RAB15: variants seen among roughly 807,000 people sequenced by gnomAD.
RAB15 encodes the protein ras-related protein Rab-15.
A neutral mutation model predicts 31.8 loss-of-function variants in RAB15; 13 were observed. That is an observed-to-expected ratio of 0.41 (90% CI 0.27 to 0.65). The LOEUF (loss-of-function observed/expected upper bound fraction) is 0.65. RAB15 is among the 30% of genes least tolerant of loss of function. RAB15 has a pLI of 0.32. For synonymous variants in RAB15, 100 were observed against 105.6 expected, an observed-to-expected ratio of 0.95 and a Z score of 0.33; for missense variants, 220 against 277.3, an observed-to-expected ratio of 0.79 and a Z score of 1.47.
Position 64,950,322 on chromosome 14 carries a change from T to C in RAB15, c.414+3A>G, listed in dbSNP as rs1267539968. On this transcript the variant is annotated splice_donor_region_variant and intron_variant, in intron 5 of 6. Coordinates refer to ENST00000533601, the MANE Select transcript of RAB15 (RefSeq NM_001308154.2). The surrounding 1 kb of genome is among the most constrained non-coding windows in gnomAD (Gnocchi z 5.6). ...GGTGGACTTGCCTTTTCCCTCCACTTACCTGCTGCCCTTGCTCTCTTCCCA... is the reference window on the plus strand; with the variant it reads ...GGTGGACTTGCCTTTTCCCTCCACTCACCTGCTGCCCTTGCTCTCTTCCCA... 1 of 1,613,500 alleles carries C rather than the reference T, an allele frequency of 6.2e-7. No individual in the cohort carries two copies.
Position 64,954,561 on chromosome 14 carries a change from G to T in RAB15, c.125-1990C>A, listed in dbSNP as rs768153962. ...TCCTTTATCCCACAAACATTTATGGGAACTTCCTATGTGCCCTGCACAGTG... is the reference window on the plus strand; with the variant it reads ...TCCTTTATCCCACAAACATTTATGGTAACTTCCTATGTGCCCTGCACAGTG... On this transcript the variant is annotated intron_variant, in intron 1 of 6. Coordinates refer to ENST00000533601, the MANE Select transcript of RAB15 (RefSeq NM_001308154.2). This position sits in a 1 kb window ranked among gnomAD's most constrained non-coding sequence, Gnocchi z 4.3. 20 of 980,178 alleles carry T rather than the reference G, an allele frequency of 2.0e-5. No homozygotes were observed. Among genetic ancestry groups the T allele is most frequent in the Non-Finnish European group, 2.4e-5 (20 of 825,282 alleles). The allele number at this position is 980,178 out of a possible 1,614,324, so 60.7% of individuals were successfully genotyped here.
At chr14:64,961,260 AC>A (rs1886839080) in intron 1 of RAB15, among the ~76,000 whole-genome samples, 1 of 152,088 alleles carries the variant, frequency 6.6e-6, no homozygotes, top group African/African-American at 2.4e-5. Flanking sequence ...GGCCATGTGC[AC>A]CTCCTGTGGG....
In RAB15 at chr14:64,950,371, G is replaced by T; in HGVS notation, c.368C>A (p.Ala123Asp). The part of the protein sequence containing the change: ...GVQKILIGNK[A>D]DEEQKRQVGR... ...CACCTGCCGTTTCTGCTCCTCATCAGCCTTATTCCCAATAAGGATCTTCTG... is the reference window on the plus strand; with the variant it reads ...CACCTGCCGTTTCTGCTCCTCATCATCCTTATTCCCAATAAGGATCTTCTG... Residue 123 changes from alanine (A) to aspartate (D), a missense_variant, in exon 5 of 7, where the codon GCT (alanine) becomes GAT (aspartate). By Grantham distance (126) the Ala-to-Asp change is moderately radical. Transcript: ENST00000533601. The surrounding 1 kb of genome is among the most constrained non-coding windows in gnomAD (Gnocchi z 5.6). The T allele has an allele frequency of 6.2e-7, 1 of 1,614,144 alleles. No individual in the cohort carries two copies. The highest frequency in any genetic ancestry group is 8.5e-7 in the Non-Finnish European group (1 of 1,180,006).
Position 64,951,188 on chromosome 14 carries a change from A to G in RAB15, c.247-37T>C, listed in dbSNP as rs1297152508. The G allele has an allele frequency of 6.5e-7, 1 of 1,544,124 alleles. No homozygotes were observed. Among genetic ancestry groups the G allele is most frequent in the South Asian group, 1.1e-5 (1 of 89,384 alleles). On this transcript the variant is annotated intron_variant, in intron 3 of 6. Transcript: ENST00000533601. The surrounding 1 kb of genome is among the most constrained non-coding windows in gnomAD (Gnocchi z 7.2). ...AGAAATAGAGAGATGTGATATGCAC[A>G]GAGAGAGTGCAGTCATGGGGCCAGA... is the stretch of plus-strand genomic sequence containing the variant.
In RAB15 at chr14:64,970,838, C is replaced by T. The variant is rs1887378829; in HGVS notation, c.124+1115G>A. Among the ~76,000 whole-genome samples, 1 of 152,210 alleles carries T rather than the reference C, an allele frequency of 6.6e-6. No individual in the cohort carries two copies. The highest frequency in any genetic ancestry group is 6.5e-5 in the Admixed American group (1 of 15,288). On this transcript the variant is annotated intron_variant, in intron 1 of 6. Coordinates refer to ENST00000533601, the MANE Select transcript of RAB15 (RefSeq NM_001308154.2). The surrounding 1 kb of genome is among the most constrained non-coding windows in gnomAD (Gnocchi z 4.1). ...GCTTCTTAACCAGAAGGTTCTGTTC[C>T]TCCTGGCTGTATCTATCTGCTCCTA...
chr14:64,952,694 T>C lies in RAB15; in HGVS notation c.125-123A>G, dbSNP rs1021906976. 10 of 638,696 alleles carry C rather than the reference T, an allele frequency of 1.6e-5. No individual in the cohort carries two copies. Among genetic ancestry groups the C allele is most frequent in the African/African-American group, 1.3e-4 (7 of 53,816 alleles). 39.6% of individuals were successfully genotyped at this position (638,696 alleles called of 1,614,324 possible). On this transcript the variant is annotated intron_variant, in intron 1 of 6. Transcript: ENST00000533601. This position sits in a 1 kb window ranked among gnomAD's most constrained non-coding sequence, Gnocchi z 4.2. ...TTAATTTGGCAAAGGGATGAAGTAA[T>C]GTAAAGGCCTTCTTTAAGCAGAAAC...
intron 5 of RAB15, among the ~76,000 whole-genome samples, chr14:64,949,237 C>G (rs1886094327): frequency 6.6e-6 from 1 of 152,210 alleles, no homozygotes; most frequent in African/African-American, 2.4e-5. Flanking sequence ...TAGCACAGTG[C>G]CACACATAGA....
In RAB15 at chr14:64,951,049, C is replaced by T. The variant is rs764479464; in HGVS notation, c.324+25G>A. On this transcript the variant is annotated intron_variant, in intron 4 of 6. Coordinates refer to ENST00000533601, the MANE Select transcript of RAB15 (RefSeq NM_001308154.2). The surrounding 1 kb of genome is among the most constrained non-coding windows in gnomAD (Gnocchi z 7.2). ...CCCGGTGAGGCACCCTCTCCACACC[C>T]CGGCAGTGAGGTGGCATCTCCTACC... 6 of 1,613,300 alleles carry T rather than the reference C, an allele frequency of 3.7e-6. No homozygotes were observed. In the Admixed American group the frequency reaches 5.0e-5, roughly 13 times the overall value.
chr14:64,957,661 A>G (rs1052326984), intron 1 of RAB15, among the ~76,000 whole-genome samples: 2 of 152,132 alleles, frequency 1.3e-5, no homozygotes, highest in African/African-American at 4.8e-5. Context: ...AGTAGGTATT[A>G]TTGTGAGCCA....
rs761953144 is a variant in RAB15, at chr14:64,971,036, G to A, written c.124+917C>T. Among the ~76,000 whole-genome samples the A allele has an allele frequency of 2.0e-5, 3 of 152,186 alleles. No individual in the cohort carries two copies. Among genetic ancestry groups the A allele is most frequent in the African/African-American group, 2.4e-5 (1 of 41,444 alleles). Reference sequence around the variant, plus strand: ...AGGTGTTTCCAGGGGCCTGGGCAATGCAGAGGCTACTCCAGGGCTGACCCG... The same window carrying A: ...AGGTGTTTCCAGGGGCCTGGGCAATACAGAGGCTACTCCAGGGCTGACCCG... On this transcript the variant is annotated intron_variant, in intron 1 of 6. Transcript: ENST00000533601. The surrounding 1 kb of genome is among the most constrained non-coding windows in gnomAD (Gnocchi z 4.1).
At position 64,950,648 on chromosome 14, in the gene RAB15, G is replaced by A; in HGVS notation, c.325-234C>T. The A allele has an allele frequency of 1.7e-6, 1 of 601,844 alleles. No individual in the cohort carries two copies. Among genetic ancestry groups the A allele is most frequent in the Non-Finnish European group, 3.0e-6 (1 of 338,084 alleles). 37.3% of individuals were successfully genotyped at this position (601,844 alleles called of 1,614,324 possible). A position where few individuals can be genotyped will look rare whatever the true frequency, so the allele number is the denominator to read the frequency against. On this transcript the variant is annotated intron_variant, in intron 4 of 6. Coordinates refer to ENST00000533601, the MANE Select transcript of RAB15 (RefSeq NM_001308154.2). The surrounding 1 kb of genome is among the most constrained non-coding windows in gnomAD (Gnocchi z 5.6). The stretch of plus-strand genomic sequence containing the variant: ...CTAAGACTGGTGCTTCCTTGGGTTA[G>A]ACCACTGGTATCAGAGCTGGAAAGG...
rs1739105331 is a variant in RAB15, at chr14:64,955,551, A to G, written c.125-2980T>C. ...GCTGCTTAGCAAACTGTTTATTCAC[A>G]TGTGTGTTCACCTATCACTGTCCCC... On this transcript the variant is annotated intron_variant, in intron 1 of 6. Transcript: ENST00000533601. The surrounding 1 kb of genome is among the most constrained non-coding windows in gnomAD (Gnocchi z 4.4). 6.6e-6 allele frequency among the ~76,000 whole-genome samples: 1 copy of G among 152,008 alleles called. No individual in the cohort carries two copies. Among genetic ancestry groups the G allele is most frequent in the Non-Finnish European group, 1.5e-5 (1 of 67,994 alleles).
rs541534556 is a variant in RAB15, at chr14:64,968,552, T to C, written c.124+3401A>G. Among the ~76,000 whole-genome samples, 2 of 152,354 alleles carry C rather than the reference T, an allele frequency of 1.3e-5. No individual in the cohort carries two copies. Among genetic ancestry groups the C allele is most frequent in the South Asian group, 4.1e-4 (2 of 4,826 alleles). On this transcript the variant is annotated intron_variant, in intron 1 of 6. Transcript: ENST00000533601. This position sits in a 1 kb window ranked among gnomAD's most constrained non-coding sequence, Gnocchi z 4.9. ...CCTTCATTAAGAGTAACTGCAATGA[T>C]CATAATCCATCCTTTACATTTGAAG... is the stretch of plus-strand genomic sequence containing the variant.
chr14:64,948,338 G>A lies in RAB15; in HGVS notation c.*16C>T, dbSNP rs1415239695. On this transcript the variant is annotated 3_prime_UTR_variant, in exon 7 of 7. Coordinates refer to ENST00000533601, the MANE Select transcript of RAB15 (RefSeq NM_001308154.2). This position sits in a 1 kb window ranked among gnomAD's most constrained non-coding sequence, Gnocchi z 7.0. ...TGAGGGAAGAGGGGTGTCGTGTGGGGTGCCCCACACAGGACTCAGCACCAG... is the reference window on the plus strand; with the variant it reads ...TGAGGGAAGAGGGGTGTCGTGTGGGATGCCCCACACAGGACTCAGCACCAG... The A allele has an allele frequency of 1.3e-6, 2 of 1,507,986 alleles. No individual in the cohort carries two copies. The highest frequency in any genetic ancestry group is 1.8e-6 in the Non-Finnish European group (2 of 1,134,676). 93.4% of individuals were successfully genotyped at this position (1,507,986 alleles called of 1,614,324 possible). A position where few individuals can be genotyped will look rare whatever the true frequency, so the allele number is the denominator to read the frequency against.
chr14:64,965,918 T>C (rs1484079247), intron 1 of RAB15, among the ~76,000 whole-genome samples: 1 of 152,014 alleles, frequency 6.6e-6, no homozygotes, highest in African/African-American at 2.4e-5. Context: ...CAAGGTCATG[T>C]CCTTGGGGAA....
At position 64,948,638 on chromosome 14, in the gene RAB15, G is replaced by C; in HGVS notation, c.480+30C>G. 2 of 1,613,200 alleles carry C rather than the reference G, an allele frequency of 1.2e-6. No homozygotes were observed. The highest frequency in any genetic ancestry group is 1.7e-6 in the Non-Finnish European group (2 of 1,179,160). On this transcript the variant is annotated intron_variant, in intron 6 of 6. Coordinates refer to ENST00000533601, the MANE Select transcript of RAB15 (RefSeq NM_001308154.2). The surrounding 1 kb of genome is among the most constrained non-coding windows in gnomAD (Gnocchi z 7.0). ...CACCTCTGCTGGACTCAGCCCGAGAGAGCGGGCGCCTGGTCACCAGGGCTC... is the reference window on the plus strand; with the variant it reads ...CACCTCTGCTGGACTCAGCCCGAGACAGCGGGCGCCTGGTCACCAGGGCTC...
At chr14:64,963,985 T>C (rs575901302) in intron 1 of RAB15, among the ~76,000 whole-genome samples, 18 of 152,172 alleles carry the variant, frequency 1.2e-4, no homozygotes, top group Admixed American at 3.3e-4. Context: ...ATATTCTGCT[T>C]GTTTGGATGT....
chr14:64,948,599 A>G lies in RAB15; in HGVS notation c.480+69T>C, dbSNP rs1886052285. ...CGGCCTGAGGGATAAGGTCCATCTTATGGCTCCTCCTCCCACCTCTGCTGG... is the reference window on the plus strand; with the variant it reads ...CGGCCTGAGGGATAAGGTCCATCTTGTGGCTCCTCCTCCCACCTCTGCTGG... On this transcript the variant is annotated intron_variant, in intron 6 of 6. Transcript: ENST00000533601. The surrounding 1 kb of genome is among the most constrained non-coding windows in gnomAD (Gnocchi z 7.0). The G allele has an allele frequency of 2.5e-6, 4 of 1,609,898 alleles. No individual in the cohort carries two copies. In the Admixed American group the frequency reaches 6.7e-5, roughly 27 times the overall value.
rs1180699109 is a variant in RAB15 at position 64,950,486 on chromosome 14, A to G, written c.325-72T>C. 7.9e-7 allele frequency: 1 copy of G among 1,258,204 alleles called. No individual in the cohort carries two copies. The highest frequency in any genetic ancestry group is 1.7e-5 in the Admixed American group (1 of 59,572). The allele number at this position is 1,258,204 out of a possible 1,614,324, so 77.9% of individuals were successfully genotyped here. ...CCCCAATTTTCCCTACAGAGTCTGCACTGCCTCCAGCCCACCACCAATTCC... is the reference window on the plus strand; with the variant it reads ...CCCCAATTTTCCCTACAGAGTCTGCGCTGCCTCCAGCCCACCACCAATTCC... On this transcript the variant is annotated intron_variant, in intron 4 of 6. Coordinates refer to ENST00000533601, the MANE Select transcript of RAB15 (RefSeq NM_001308154.2). This position sits in a 1 kb window ranked among gnomAD's most constrained non-coding sequence, Gnocchi z 5.6.
Sources: gnomAD v4.1 joint callset for allele counts (sites outside exome capture counted in the v4.1 genomes callset) on GRCh38, gnomAD v4.1.1 for gene constraint, Gnocchi (gnomAD v3.1) non-coding constraint, MANE v1.5 for transcripts, NCBI Gene and HGNC (gene_info 2026-07-23, HGNC 2026-07-21) for gene names.